Variants in LRRC4C observed in about 807,000 individuals in gnomAD.
LRRC4C encodes the protein leucine rich repeat containing 4C.
LRRC4C carries 5 observed loss-of-function variants against 33.6 expected under a neutral mutation model. That is an observed-to-expected ratio of 0.15 (90% CI 0.08 to 0.31). LRRC4C has a LOEUF of 0.31. Ranked by LOEUF, LRRC4C falls within the 10% of genes least tolerant of loss-of-function variation. The pLI is 1.00. For synonymous variants in LRRC4C, 329 were observed against 302.0 expected, an observed-to-expected ratio of 1.09 and a Z score of -0.93; for missense variants, 560 against 796.7, an observed-to-expected ratio of 0.70 and a Z score of 3.58.
At chr11:40,597,677 G>T (rs1959496699) in intron 3 of LRRC4C, among the ~76,000 whole-genome samples, 1 of 152,142 alleles carries the variant, frequency 6.6e-6, no homozygotes, top group African/African-American at 2.4e-5. Flanking sequence ...GTGGAATAAG[G>T]ACTGATACTA....
At chr11:40,477,433 T>C (rs1247350383) in intron 3 of LRRC4C, among the ~76,000 whole-genome samples, 3 of 152,154 alleles carry the variant, frequency 2.0e-5, no homozygotes, top group Admixed American at 1.3e-4. Flanking sequence ...CCACCTCTTC[T>C]TGGAAGTATT....
chr11:40,353,545 C>T (rs1246503658), intron 3 of LRRC4C, among the ~76,000 whole-genome samples: 4 of 152,040 alleles, frequency 2.6e-5, no homozygotes, highest in Non-Finnish European at 5.9e-5. Context: ...GGCAAAACCC[C>T]ATCTCTAAAA....
chr11:40,592,505 C>G (rs1959104010), intron 3 of LRRC4C, among the ~76,000 whole-genome samples: 1 of 152,164 alleles, frequency 6.6e-6, no homozygotes, highest in Non-Finnish European at 1.5e-5. Flanking sequence ...ACAATCTAAG[C>G]AAAGCAAAGC....
At chr11:40,335,145 T>C (rs1946540640) in intron 3 of LRRC4C, among the ~76,000 whole-genome samples, 1 of 152,176 alleles carries the variant, frequency 6.6e-6, no homozygotes, top group Non-Finnish European at 1.5e-5. Flanking sequence ...ATAATTGCTC[T>C]TATTTCCTGT....
intron 2 of LRRC4C, among the ~76,000 whole-genome samples, chr11:40,807,989 T>C (rs905910328): frequency 3.9e-5 from 6 of 152,214 alleles, no homozygotes; most frequent in African/African-American, 1.2e-4. Flanking sequence ...ACCCTCTTTC[T>C]GCTAATTACC....
chr11:40,722,874 T>A (rs1947096953), intron 2 of LRRC4C, among the ~76,000 whole-genome samples: 1 of 152,092 alleles, frequency 6.6e-6, no homozygotes, highest in South Asian at 2.1e-4. Context: ...ATCCAAAATT[T>A]AAAAGATGGC....
chr11:41,244,589 C>T (rs1188895803), intron 1 of LRRC4C, among the ~76,000 whole-genome samples: 8 of 152,154 alleles, frequency 5.3e-5, no homozygotes, highest in African/African-American at 1.4e-4. Flanking sequence ...GGCAAGAAAA[C>T]AGTAGAGGAG....
chr11:40,405,375 C>T (rs949568846), intron 3 of LRRC4C, among the ~76,000 whole-genome samples: 2 of 151,966 alleles, frequency 1.3e-5, no homozygotes, highest in Admixed American at 1.3e-4. Flanking sequence ...GTGGCTCACG[C>T]CTGTAATCCC....
chr11:40,898,374 A>G (rs1449717099), intron 2 of LRRC4C, among the ~76,000 whole-genome samples: 4 of 148,860 alleles, frequency 2.7e-5, no homozygotes, highest in Non-Finnish European at 4.5e-5. Context: ...AAAAAAAAAG[A>G]AAAAAGAAAT....
chr11:40,238,907 A>C (rs764587196), intron 5 of LRRC4C, among the ~76,000 whole-genome samples: 4 of 152,182 alleles, frequency 2.6e-5, no homozygotes, highest in Admixed American at 6.5e-5. Context: ...CAGTTGATAA[A>C]TGCAGAAAAA....
At chr11:41,060,716 A>G (rs1205415319) in intron 1 of LRRC4C, among the ~76,000 whole-genome samples, 1 of 152,148 alleles carries the variant, frequency 6.6e-6, no homozygotes, top group African/African-American at 2.4e-5. Context: ...AAAAACCTGG[A>G]TTTATTGTTA....
chr11:41,034,606 C>CAT (rs758115530), intron 1 of LRRC4C, among the ~76,000 whole-genome samples: 5,641 of 108,272 alleles, frequency 0.052, 172 homozygotes, highest in Middle Eastern at 0.12. Context: ...AATATGGTGA[C>CAT]GTATATATAT....
intron 1 of LRRC4C, among the ~76,000 whole-genome samples, chr11:41,381,660 A>G (rs932460589): frequency 6.6e-6 from 1 of 151,782 alleles, no homozygotes; most frequent in Non-Finnish European, 1.5e-5. Flanking sequence ...AGATGGAAAA[A>G]AGATAATAAG....
chr11:40,719,430 A>T (rs1946895963), intron 2 of LRRC4C, among the ~76,000 whole-genome samples: 1 of 152,226 alleles, frequency 6.6e-6, no homozygotes, highest in South Asian at 2.1e-4. Context: ...CTATTTTTCC[A>T]AGCAAACTTT....
chr11:40,673,004 G>A (rs933831333), intron 2 of LRRC4C, among the ~76,000 whole-genome samples: 2 of 151,302 alleles, frequency 1.3e-5, no homozygotes, highest in Non-Finnish European at 2.9e-5. Context: ...AAAAATTGGA[G>A]TCAGAATATT....
intron 1 of LRRC4C, among the ~76,000 whole-genome samples, chr11:41,359,401 G>A (rs546740681): frequency 9.3e-4 from 142 of 152,082 alleles, no homozygotes; most frequent in African/African-American, 3.3e-3. Flanking sequence ...TGTACTACTC[G>A]AGGGGGATGT....
Position 40,141,808 on chromosome 11 carries a change from C to T in LRRC4C, c.-95-955G>A, listed in dbSNP as rs544701854. 7.9e-5 allele frequency among the ~76,000 whole-genome samples: 12 copies of T among 152,296 alleles called. No homozygotes were observed. In the East Asian group the frequency reaches 2.3e-3, roughly 29 times the overall value. On this transcript the variant is annotated intron_variant, in intron 5 of 6. Transcript: ENST00000528697. ...GTATAATCTGATGGTGTAAGCTTCACAGATGGGCATTTTACTGTATTAGAT... is the reference window on the plus strand; with the variant it reads ...GTATAATCTGATGGTGTAAGCTTCATAGATGGGCATTTTACTGTATTAGAT...
At chr11:40,883,706 C>T (rs940701979) in intron 2 of LRRC4C, among the ~76,000 whole-genome samples, 4 of 151,604 alleles carry the variant, frequency 2.6e-5, no homozygotes, top group African/African-American at 9.7e-5. Context: ...TTTAAAAATG[C>T]TACTTCAGGG....
chr11:41,420,666 G>T (rs1458962395), intron 1 of LRRC4C, among the ~76,000 whole-genome samples: 1 of 151,948 alleles, frequency 6.6e-6, no homozygotes, highest in African/African-American at 2.4e-5. Flanking sequence ...TAAAATCCAG[G>T]ATCCAGAGCC....
Sources: gnomAD v4.1 joint callset for allele counts (sites outside exome capture counted in the v4.1 genomes callset) on GRCh38, gnomAD v4.1.1 for gene constraint, MANE v1.5 for transcripts, NCBI Gene and HGNC (gene_info 2026-07-23, HGNC 2026-07-21) for gene names.